PCDHGA8: variants seen among roughly 807,000 people sequenced by gnomAD.
The protein encoded by PCDHGA8 is protocadherin gamma-A8.
Under a neutral mutation model 59.2 loss-of-function variants are expected in PCDHGA8, and 45 were observed. The ratio of observed to expected loss-of-function variants is 0.76; its 90% CI spans 0.60 to 0.98. The LOEUF is 0.98. PCDHGA8 is among the 50% of genes least tolerant of loss of function. The probability of loss-of-function intolerance (pLI) is 0.00; values close to 1 mark genes in which losing one functional copy is unlikely to be tolerated. For missense variants in PCDHGA8, 1,257 were observed against 1,196.2 expected (o/e 1.05, Z -0.75); for synonymous variants, 531 against 519.0 (o/e 1.02, Z -0.32).
chr5:141,423,551 A>T, intron 1 of PCDHGA8: 2 of 1,613,616 alleles, frequency 1.2e-6, no homozygotes, highest in Non-Finnish European at 1.7e-6. Context: ...CCCCAGCCCA[A>T]CTATGGGGAC....
intron 1 of PCDHGA8, chr5:141,426,943 C>T: frequency 2.2e-6 from 1 of 456,736 alleles, no homozygotes; most frequent in Non-Finnish European, 4.4e-6. Flanking sequence ...GACCCAGTCC[C>T]AACTGGCACT....
Position 141,511,375 on chromosome 5 carries a change from A to G in PCDHGA8, c.*202A>G. 2 of 1,236,730 alleles carry G rather than the reference A, an allele frequency of 1.6e-6. No individual in the cohort carries two copies. The highest frequency in any genetic ancestry group is 2.2e-6 in the Non-Finnish European group (2 of 912,840). 76.6% of individuals were successfully genotyped at this position (1,236,730 alleles called of 1,614,324 possible). A position where few individuals can be genotyped will look rare whatever the true frequency, so the allele number is the denominator to read the frequency against. On this transcript the variant is annotated 3_prime_UTR_variant, in exon 4 of 4. Coordinates refer to ENST00000398604, the MANE Select transcript of PCDHGA8 (RefSeq NM_032088.2). ...CCCAGGGGGTTGAATATGCAAAAGCAGTTCCGCTGGGAACCCCCATCCAAT... is the reference window on the plus strand; with the variant it reads ...CCCAGGGGGTTGAATATGCAAAAGCGGTTCCGCTGGGAACCCCCATCCAAT...
At position 141,392,933 on chromosome 5, in the gene PCDHGA8, C is replaced by A; in HGVS notation, c.120C>A (p.Asp40Glu). The A allele has an allele frequency of 6.2e-7, 1 of 1,613,930 alleles. No homozygotes were observed. Among genetic ancestry groups the A allele is most frequent in the Non-Finnish European group, 8.5e-7 (1 of 1,179,892 alleles). The change falls in exon 1 of 4, where the codon GAC becomes GAA. Residue 40 changes from aspartate (D) to glutamate (E), a missense_variant. Physicochemically the swap from Asp to Glu is conservative, Grantham distance 45. Coordinates refer to ENST00000398604, the MANE Select transcript of PCDHGA8 (RefSeq NM_032088.2). ...QIRYSVPEET[D>E]KGSFVGNISK... is the part of the protein sequence containing the mutation. The stretch of plus-strand genomic sequence containing the variant: ...GCTACTCTGTGCCAGAAGAGACGGA[C>A]AAAGGCTCCTTCGTGGGTAATATCT...
chr5:141,421,617 C>T, intron 1 of PCDHGA8: 3 of 1,613,768 alleles, frequency 1.9e-6, no homozygotes, highest in African/African-American at 1.3e-5. Context: ...TTAATGATAA[C>T]GCCCCCAGCT....
chr5:141,491,508 G>T lies in PCDHGA8; in HGVS notation c.2425-3299G>T. 1 of 1,614,030 alleles carries T rather than the reference G, an allele frequency of 6.2e-7. No homozygotes were observed. Among genetic ancestry groups the T allele is most frequent in the Non-Finnish European group, 8.5e-7 (1 of 1,180,014 alleles). ...ACCTGCAGGTGAGCTCGGACGGCACGCTCAAGTACATGGAGGTGACGCTGC... is the reference window on the plus strand; with the variant it reads ...ACCTGCAGGTGAGCTCGGACGGCACTCTCAAGTACATGGAGGTGACGCTGC... On this transcript the variant is annotated intron_variant, in intron 1 of 3. Transcript: ENST00000398604. The surrounding 1 kb of genome is among the most constrained non-coding windows in gnomAD (Gnocchi z 6.9).
intron 1 of PCDHGA8, chr5:141,408,704 A>G: frequency 1.2e-6 from 2 of 1,613,236 alleles, no homozygotes; most frequent in Non-Finnish European, 1.7e-6. Context: ...AAACTCAATT[A>G]AAGATTATAA....
At position 141,511,239 on chromosome 5, in the gene PCDHGA8, C is replaced by A; in HGVS notation, c.*66C>A. On this transcript the variant is annotated 3_prime_UTR_variant, in exon 4 of 4. Coordinates refer to ENST00000398604, the MANE Select transcript of PCDHGA8 (RefSeq NM_032088.2). ...AACCAGCCCAGCTTCTCCTTACCTG[C>A]ACCCAGGCCTCAGAGTTTCAGGGCT... 1 of 1,587,938 alleles carries A rather than the reference C, an allele frequency of 6.3e-7. No homozygotes were observed. Among genetic ancestry groups the A allele is most frequent in the Admixed American group, 1.8e-5 (1 of 55,480 alleles).
chr5:141,482,601 A>T (rs1158399317), intron 1 of PCDHGA8, among the ~76,000 whole-genome samples: 1 of 152,002 alleles, frequency 6.6e-6, no homozygotes, highest in Non-Finnish European at 1.5e-5. Flanking sequence ...ACGGGAAAAA[A>T]CACCTAAATG....
In PCDHGA8 at chr5:141,490,108, C is replaced by A; in HGVS notation, c.2425-4699C>A. The A allele has an allele frequency of 6.2e-7, 1 of 1,614,244 alleles. No homozygotes were observed. The highest frequency in any genetic ancestry group is 8.5e-7 in the Non-Finnish European group (1 of 1,180,034). On this transcript the variant is annotated intron_variant, in intron 1 of 3. Transcript: ENST00000398604. This position sits in a 1 kb window ranked among gnomAD's most constrained non-coding sequence, Gnocchi z 5.4. The stretch of plus-strand genomic sequence containing the variant: ...TGGAGACCACACATCTGAGGCAGTG[C>A]GGAACCTCTTTGGCCTAGACCCTAG...
intron 1 of PCDHGA8, among the ~76,000 whole-genome samples, chr5:141,456,538 A>T (rs1010588747): frequency 7.2e-5 from 11 of 152,184 alleles, no homozygotes; most frequent in Admixed American, 3.3e-4. Context: ...TTAAAGAGGG[A>T]TTGTAGCCAC....
Position 141,486,955 on chromosome 5 carries a change from T to A in PCDHGA8, c.2425-7852T>A, listed in dbSNP as rs1459820579. 1.9e-6 allele frequency: 3 copies of A among 1,614,128 alleles called. No individual in the cohort carries two copies. The highest frequency in any genetic ancestry group is 2.5e-6 in the Non-Finnish European group (3 of 1,180,048). ...CTGGCCACCTAATCACAAAGGTGACTGCTGTGGACTTGGATTCAGGTTACA... is the reference window on the plus strand; with the variant it reads ...CTGGCCACCTAATCACAAAGGTGACAGCTGTGGACTTGGATTCAGGTTACA... On this transcript the variant is annotated intron_variant, in intron 1 of 3. Coordinates refer to ENST00000398604, the MANE Select transcript of PCDHGA8 (RefSeq NM_032088.2). This position sits in a 1 kb window ranked among gnomAD's most constrained non-coding sequence, Gnocchi z 5.0.
intron 1 of PCDHGA8, chr5:141,415,906 A>C (rs2154546200): frequency 1.3e-6 from 1 of 784,990 alleles, no homozygotes; most frequent in East Asian, 3.5e-5. Context: ...ACAGACTTCC[A>C]TACAGAAGTG....
At chr5:141,418,899 T>C (rs1320380997) in intron 1 of PCDHGA8, 1 of 1,613,944 alleles carries the variant, frequency 6.2e-7, no homozygotes. Flanking sequence ...AGCCCAGAAA[T>C]AATCATCACG....
intron 1 of PCDHGA8, chr5:141,478,581 T>C: frequency 6.3e-7 from 1 of 1,580,158 alleles, no homozygotes; most frequent in Non-Finnish European, 8.6e-7. Flanking sequence ...ACCCTGTTAG[T>C]GCTTTTTTAT....
chr5:141,432,659 G>A lies in PCDHGA8; in HGVS notation c.2424+37422G>A. On this transcript the variant is annotated intron_variant, in intron 1 of 3. Coordinates refer to ENST00000398604, the MANE Select transcript of PCDHGA8 (RefSeq NM_032088.2). This position sits in a 1 kb window ranked among gnomAD's most constrained non-coding sequence, Gnocchi z 6.0. ...GGTGCGCACGGCGCGAGCCCTGCTG[G>A]ACAGAGACGCGCTCAAGCAGAGCCT... 1 of 1,613,884 alleles carries A rather than the reference G, an allele frequency of 6.2e-7. No homozygotes were observed. The highest frequency in any genetic ancestry group is 8.5e-7 in the Non-Finnish European group (1 of 1,179,956).
rs769551114 is a variant in PCDHGA8, at chr5:141,402,989, T to A, written c.2424+7752T>A. On this transcript the variant is annotated intron_variant, in intron 1 of 3. Coordinates refer to ENST00000398604, the MANE Select transcript of PCDHGA8 (RefSeq NM_032088.2). ...AACCAAATGCCAGCTCCGCGGAAGA[T>A]TAGTCCTGCTATGCTCGCTCCTGGG... The A allele has an allele frequency of 2.5e-6, 4 of 1,611,874 alleles. No homozygotes were observed. Among genetic ancestry groups the A allele is most frequent in the Non-Finnish European group, 3.4e-6 (4 of 1,179,236 alleles).
At position 141,431,918 on chromosome 5, in the gene PCDHGA8, C is replaced by T; in HGVS notation, c.2424+36681C>T. On this transcript the variant is annotated intron_variant, in intron 1 of 3. Transcript: ENST00000398604. This position sits in a 1 kb window ranked among gnomAD's most constrained non-coding sequence, Gnocchi z 4.8. Reference sequence around the variant, plus strand: ...AAACGGACAGGTGATCTGTTTCATCCAAGGAAATCTGCCCTTTAAATTAGA... The same window carrying T: ...AAACGGACAGGTGATCTGTTTCATCTAAGGAAATCTGCCCTTTAAATTAGA... The T allele has an allele frequency of 6.2e-7, 1 of 1,613,998 alleles. No individual in the cohort carries two copies. The highest frequency in any genetic ancestry group is 8.5e-7 in the Non-Finnish European group (1 of 1,179,862).
At chr5:141,439,190 C>CA (rs200519543) in intron 1 of PCDHGA8, among the ~76,000 whole-genome samples, 17,650 of 111,626 alleles carry the variant, frequency 0.16, 1,295 homozygotes, top group African/African-American at 0.25. Context: ...GAGACTCTGA[C>CA]AAAAAAAAAA....
rs2099749632 is a variant in PCDHGA8, at chr5:141,493,698, C to T, written c.2425-1109C>T. The stretch of plus-strand genomic sequence containing the variant: ...AGAATGGTGCTGGTGACTCCCGATA[C>T]ACCTGGAATGCTAGGTTTCTGGGTT... On this transcript the variant is annotated intron_variant, in intron 1 of 3. Transcript: ENST00000398604. This position sits in a 1 kb window ranked among gnomAD's most constrained non-coding sequence, Gnocchi z 4.3. Among the ~76,000 whole-genome samples the T allele has an allele frequency of 6.6e-6, 1 of 152,208 alleles. No individual in the cohort carries two copies. Among genetic ancestry groups the T allele is most frequent in the Non-Finnish European group, 1.5e-5 (1 of 68,034 alleles).
Sources: gnomAD v4.1 joint callset for allele counts (sites outside exome capture counted in the v4.1 genomes callset) on GRCh38, gnomAD v4.1.1 for gene constraint, Gnocchi (gnomAD v3.1) non-coding constraint, MANE v1.5 for transcripts, NCBI Gene and HGNC (gene_info 2026-07-23, HGNC 2026-07-21) for gene names.